Variants in NCKAP5 observed in about 807,000 individuals in gnomAD.
The protein encoded by NCKAP5 is NCK associated protein 5.
A neutral mutation model predicts 167.0 loss-of-function variants in NCKAP5; 92 were observed. The ratio of observed to expected loss-of-function variants is 0.55; its 90% CI spans 0.47 to 0.66. The LOEUF (loss-of-function observed/expected upper bound fraction) is 0.66, where lower values mean the gene tolerates loss of function less well. NCKAP5 is among the 30% of genes least tolerant of loss of function. The pLI, the probability that NCKAP5 is intolerant of heterozygous loss-of-function variation, is 0.00. For synonymous variants in NCKAP5, 891 were observed against 877.4 expected (o/e 1.02, Z -0.27); for missense variants, 2,378 against 2,315.0 (o/e 1.03, Z -0.56).
At chr2:133,146,329 C>T (rs1222664655) in intron 5 of NCKAP5, among the ~76,000 whole-genome samples, 1 of 151,952 alleles carries the variant, frequency 6.6e-6, no homozygotes, top group Non-Finnish European at 1.5e-5. Context: ...TAAAAAGCAA[C>T]ATCTAGATAA....
At chr2:132,738,554 A>T (rs923610594) in intron 16 of NCKAP5, among the ~76,000 whole-genome samples, 3 of 152,214 alleles carry the variant, frequency 2.0e-5, no homozygotes, top group East Asian at 3.9e-4. Flanking sequence ...GAACTTCTTA[A>T]TGCATTTAGC....
intron 5 of NCKAP5, among the ~76,000 whole-genome samples, chr2:133,136,932 C>G (rs1357710590): frequency 6.6e-6 from 1 of 152,168 alleles, no homozygotes; most frequent in Non-Finnish European, 1.5e-5. Flanking sequence ...CTCTCCCTAC[C>G]TATTGAGAAT....
At chr2:133,648,856 A>C in the NCKAP5 span, among the ~76,000 whole-genome samples, 4 of 151,974 alleles carry the variant, frequency 2.6e-5, no homozygotes, top group Non-Finnish European at 4.4e-5. Context: ...AATTAAAAAA[A>C]AAAAAGTCCA....
chr2:133,369,279 A>G (rs1685650314), intron 3 of NCKAP5, among the ~76,000 whole-genome samples: 1 of 152,206 alleles, frequency 6.6e-6, no homozygotes, highest in African/African-American at 2.4e-5. Context: ...AGAACTATCG[A>G]AGCAATGTCT....
intron 18 of NCKAP5, among the ~76,000 whole-genome samples, chr2:132,727,761 C>G (rs1319449496): frequency 2.6e-5 from 4 of 152,186 alleles, no homozygotes; most frequent in Admixed American, 6.5e-5. Flanking sequence ...TCCCCGGGAC[C>G]CTGAACATGG....
chr2:132,685,626 C>T (rs1685828307), intron 19 of NCKAP5, among the ~76,000 whole-genome samples: 3 of 152,192 alleles, frequency 2.0e-5, no homozygotes, highest in African/African-American at 7.2e-5. Context: ...CCTGGAACTA[C>T]AATTAATGGT....
intron 8 of NCKAP5, among the ~76,000 whole-genome samples, chr2:132,932,978 G>T (rs1347997084): frequency 6.9e-6 from 1 of 145,024 alleles, no homozygotes; most frequent in Non-Finnish European, 1.5e-5. Context: ...AGGCTGGAGT[G>T]CAGTGGAACG....
intron 16 of NCKAP5, among the ~76,000 whole-genome samples, chr2:132,743,819 A>T (rs1413512437): frequency 6.6e-6 from 1 of 151,668 alleles, no homozygotes; most frequent in Non-Finnish European, 1.5e-5. Flanking sequence ...TTTAAATATA[A>T]AAAACAGATA....
intron 3 of NCKAP5, among the ~76,000 whole-genome samples, chr2:133,464,042 A>G (rs1692371508): frequency 6.6e-6 from 1 of 152,128 alleles, no homozygotes; most frequent in African/African-American, 2.4e-5. Flanking sequence ...GTGACTGCAA[A>G]CAGCACGGGG....
chr2:132,810,567 C>T (rs975927052), intron 11 of NCKAP5, among the ~76,000 whole-genome samples: 2 of 152,094 alleles, frequency 1.3e-5, no homozygotes, highest in Non-Finnish European at 2.9e-5. Flanking sequence ...AATTCTATTG[C>T]TGAGACTTCC....
At chr2:133,343,222 T>C (rs903380553) in intron 3 of NCKAP5, among the ~76,000 whole-genome samples, 37 of 152,168 alleles carry the variant, frequency 2.4e-4, no homozygotes, top group African/African-American at 8.2e-4. Context: ...ACTGAACATA[T>C]CATGCAATGT....
chr2:133,413,459 C>A (rs1346582008), intron 3 of NCKAP5, among the ~76,000 whole-genome samples: 1 of 152,026 alleles, frequency 6.6e-6, no homozygotes, highest in African/African-American at 2.4e-5. Flanking sequence ...ATCAGTGTAT[C>A]ATATCAGTGT....
intron 6 of NCKAP5, among the ~76,000 whole-genome samples, chr2:133,094,500 C>T (rs1286404500): frequency 1.3e-5 from 2 of 152,142 alleles, no homozygotes; most frequent in Non-Finnish European, 2.9e-5. Flanking sequence ...ATTTAGTAGT[C>T]TCATTGCAGG....
chr2:133,033,930 A>G (rs191296186), intron 6 of NCKAP5, among the ~76,000 whole-genome samples: 340 of 152,266 alleles, frequency 2.2e-3, no homozygotes, highest in Non-Finnish European at 4.0e-3. Flanking sequence ...GAGGTAGAAA[A>G]AGAGATAGGA....
chr2:133,331,271 G>A (rs1435892946), intron 3 of NCKAP5, among the ~76,000 whole-genome samples: 2 of 152,116 alleles, frequency 1.3e-5, no homozygotes, highest in Admixed American at 1.3e-4. Context: ...CGTGGAGAGG[G>A]TAGAAGATGA....
chr2:133,587,095 G>A, the NCKAP5 span, among the ~76,000 whole-genome samples: 37,368 of 152,094 alleles, frequency 0.25, 4,859 homozygotes, highest in East Asian at 0.41. Context: ...GCTACCTGAC[G>A]TCCTCACCTT....
At chr2:133,096,318 C>T (rs2081342583) in intron 6 of NCKAP5, among the ~76,000 whole-genome samples, 1 of 151,896 alleles carries the variant, frequency 6.6e-6, no homozygotes, top group Non-Finnish European at 1.5e-5. Flanking sequence ...TGGCAAAACC[C>T]CATCTCTAGT....
chr2:133,650,150 G>C, the NCKAP5 span, among the ~76,000 whole-genome samples: 2 of 152,068 alleles, frequency 1.3e-5, no homozygotes, highest in African/African-American at 4.8e-5. Context: ...CCTAGGAATA[G>C]ACCTAAGGAG....
At chr2:132,979,932 A>C (rs1190175347) in intron 7 of NCKAP5, among the ~76,000 whole-genome samples, 2 of 151,846 alleles carry the variant, frequency 1.3e-5, no homozygotes, top group African/African-American at 2.4e-5. Context: ...TCACATAGTG[A>C]GCAAGAAAAA....
Sources: allele counts gnomAD v4.1 joint callset (sites outside exome capture counted in the v4.1 genomes callset), GRCh38; gene constraint gnomAD v4.1.1; transcripts MANE v1.5; gene names NCBI Gene and HGNC (gene_info 2026-07-23, HGNC 2026-07-21).